The following FNDC3B variants were observed in gnomAD, a reference collection of about 807,000 sequenced individuals.
FNDC3B encodes fibronectin type III domain containing 3B, also known as fibronectin type III domain-containing protein 3B.
In FNDC3B, 12 loss-of-function variants were observed where a neutral mutation model predicts 151.5. That is an observed-to-expected ratio of 0.08 (90% confidence interval 0.05 to 0.13). The LOEUF is 0.13. FNDC3B is among the 10% of genes least tolerant of loss of function. FNDC3B has a pLI of 1.00. For synonymous variants in FNDC3B, 528 were observed against 549.0 expected, an observed-to-expected ratio of 0.96 and a Z score of 0.54; for missense variants, 1,214 against 1,505.3, an observed-to-expected ratio of 0.81 and a Z score of 3.20.
intron 1 of FNDC3B, among the ~76,000 whole-genome samples, chr3:172,070,143 G>GCTT (rs751990287): frequency 8.5e-5 from 13 of 152,118 alleles, no homozygotes; most frequent in Non-Finnish European, 1.6e-4. Context: ...ATCTGTAGGT[G>GCTT]CTTATCTTCT....
intron 4 of FNDC3B, among the ~76,000 whole-genome samples, chr3:172,242,753 G>A (rs879665472): frequency 6.6e-6 from 1 of 152,314 alleles, no homozygotes; most frequent in East Asian, 1.9e-4. Context: ...TTTCCCCATT[G>A]TCTTGCGGAT....
chr3:172,259,515 G>A (rs908069316), intron 6 of FNDC3B, among the ~76,000 whole-genome samples: 17 of 152,176 alleles, frequency 1.1e-4, no homozygotes, highest in African/African-American at 3.6e-4. Flanking sequence ...ATTAACATGC[G>A]CTTTCTGACT....
At chr3:172,239,330 C>T (rs935021448) in intron 4 of FNDC3B, among the ~76,000 whole-genome samples, 11 of 152,130 alleles carry the variant, frequency 7.2e-5, no homozygotes, top group Middle Eastern at 3.2e-3. Context: ...GTTCATTGTT[C>T]GCATGCTCAC....
intron 11 of FNDC3B, 134 bp from the exon 12 acceptor site, chr3:172,328,818 C>G: frequency 1.6e-6 from 1 of 635,078 alleles, no homozygotes; most frequent in Admixed American, 3.7e-5. Context: ...CTGTAAGTTT[C>G]TATTGTTTTT....
At chr3:172,267,381 C>G (rs142740995) in intron 6 of FNDC3B, among the ~76,000 whole-genome samples, 96 of 152,248 alleles carry the variant, frequency 6.3e-4, no homozygotes, top group African/African-American at 2.2e-3. Context: ...GTCTTGAACT[C>G]CTGAGCTCAA....
At chr3:172,043,149 T>A (rs1321867927) in intron 1 of FNDC3B, among the ~76,000 whole-genome samples, 1 of 152,212 alleles carries the variant, frequency 6.6e-6, no homozygotes, top group Non-Finnish European at 1.5e-5. Context: ...ACTCCTGACT[T>A]CAGGTGATCC....
At chr3:172,376,725 T>C (rs935184817) in intron 23 of FNDC3B, among the ~76,000 whole-genome samples, 6 of 151,954 alleles carry the variant, frequency 3.9e-5, no homozygotes, top group Admixed American at 2.0e-4. Context: ...GGCACTTCCT[T>C]ACACAGCAAA....
At chr3:172,147,309 A>AC (rs1484511191) in intron 3 of FNDC3B, among the ~76,000 whole-genome samples, 5 of 106,130 alleles carry the variant, frequency 4.7e-5, no homozygotes, top group African/African-American at 1.8e-4. Context: ...CTGTCTCCAA[A>AC]CAAAAAAAAA....
intron 1 of FNDC3B, among the ~76,000 whole-genome samples, chr3:172,068,947 T>G (rs1215129544): frequency 6.6e-6 from 1 of 152,164 alleles, no homozygotes; most frequent in Non-Finnish European, 1.5e-5. Context: ...TTGCCTGAAG[T>G]TAAAAGCTAG....
chr3:172,319,277 T>A (rs1378019213), intron 11 of FNDC3B, among the ~76,000 whole-genome samples: 1 of 152,220 alleles, frequency 6.6e-6, no homozygotes, highest in Non-Finnish European at 1.5e-5. Context: ...TAAATTGTAC[T>A]AACAGTCTGT....
intron 25 of FNDC3B, among the ~76,000 whole-genome samples, chr3:172,391,066 G>A (rs1390260485): frequency 6.6e-6 from 1 of 152,158 alleles, no homozygotes; most frequent in Admixed American, 6.5e-5. Context: ...GGCAATTTCA[G>A]TGGTGAGGGT....
intron 2 of FNDC3B, among the ~76,000 whole-genome samples, chr3:172,122,500 A>G (rs1271044825): frequency 6.6e-6 from 1 of 152,250 alleles, no homozygotes; most frequent in Non-Finnish European, 1.5e-5. Context: ...GAAGCTAGAC[A>G]TGGTGGGTCC....
intron 3 of FNDC3B, among the ~76,000 whole-genome samples, chr3:172,181,439 A>G (rs1344139425): frequency 2.0e-5 from 3 of 148,564 alleles, no homozygotes; most frequent in Non-Finnish European, 4.5e-5. Context: ...TTTAGAATTT[A>G]CTGTCTTGTG....
intron 16 of FNDC3B, 112 bp from the exon 17 acceptor site, chr3:172,341,001 A>G (rs1733285571): frequency 1.3e-6 from 1 of 743,744 alleles, no homozygotes; most frequent in Non-Finnish European, 2.4e-6. Context: ...ATTTAAAAAG[A>G]AAAAGAAGAT....
At chr3:172,305,082 G>A (rs768357319) in intron 9 of FNDC3B, among the ~76,000 whole-genome samples, 3 of 152,104 alleles carry the variant, frequency 2.0e-5, no homozygotes, top group Non-Finnish European at 4.4e-5. Flanking sequence ...GTAGTTTAAT[G>A]AACTCTCATC....
At position 172,097,327 on chromosome 3, in the gene FNDC3B, C is replaced by G. The variant is rs1719140249; in HGVS notation, c.-28-15125C>G. On this transcript the variant is annotated intron_variant, in intron 1 of 25. Transcript: ENST00000415807. ...GCTGGTTTTGTAAATGTTACCAAAT[C>G]TATTACTTAACCACAGATGTTCTTC... 2.6e-5 allele frequency among the ~76,000 whole-genome samples: 4 copies of G among 152,206 alleles called. No homozygotes were observed. The South Asian group carries it at 8.3e-4, about 31-fold the overall frequency.
intron 7 of FNDC3B, among the ~76,000 whole-genome samples, chr3:172,290,596 C>T (rs1024650551): frequency 6.6e-6 from 1 of 152,160 alleles, no homozygotes; most frequent in Non-Finnish European, 1.5e-5. Flanking sequence ...TGCATTGTTT[C>T]CATCCGCGAA....
At chr3:172,244,173 G>C (rs924887065) in intron 4 of FNDC3B, among the ~76,000 whole-genome samples, 1 of 152,068 alleles carries the variant, frequency 6.6e-6, no homozygotes, top group Non-Finnish European at 1.5e-5. Context: ...TTAGCACATA[G>C]TATGTGTCAG....
intron 25 of FNDC3B, among the ~76,000 whole-genome samples, chr3:172,394,690 T>C (rs1284295067): frequency 2.6e-5 from 4 of 152,154 alleles, no homozygotes; most frequent in Non-Finnish European, 5.9e-5. Context: ...TCAGATTCTT[T>C]CAAAAAGGTA....
Sources: gnomAD v4.1 joint callset for allele counts (sites outside exome capture counted in the v4.1 genomes callset) on GRCh38, gnomAD v4.1.1 for gene constraint, MANE v1.5 for transcripts, NCBI Gene and HGNC (gene_info 2026-07-23, HGNC 2026-07-21) for gene names.